The following PRMT8 variants were observed in gnomAD, a reference collection of about 807,000 sequenced individuals.
PRMT8 encodes protein arginine methyltransferase 8, also known as protein arginine N-methyltransferase 8.
PRMT8 carries 7 observed loss-of-function variants against 47.1 expected under a neutral mutation model. The ratio of observed to expected loss-of-function variants is 0.15; its 90% confidence interval spans 0.08 to 0.28. The LOEUF (loss-of-function observed/expected upper bound fraction) is 0.28. Ranked by LOEUF, PRMT8 falls within the 10% of genes least tolerant of loss-of-function variation. The pLI is 1.00. For synonymous variants in PRMT8, 188 were observed against 186.5 expected (o/e 1.01, Z -0.07); for missense variants, 237 against 505.4 (o/e 0.47, Z 5.09).
intron 3 of PRMT8, 30 bp from the exon 4 acceptor site, chr12:3,553,621 C>A: frequency 6.4e-6 from 10 of 1,559,406 alleles, no homozygotes; most frequent in Non-Finnish European, 8.0e-6. Context: ...TTTTTTGACG[C>A]CTTGCTCCTT....
At chr12:3,512,553 G>A (rs1865729231) in intron 1 of PRMT8, among the ~76,000 whole-genome samples, 1 of 152,098 alleles carries the variant, frequency 6.6e-6, no homozygotes, top group Non-Finnish European at 1.5e-5. Flanking sequence ...TCAGACCAGA[G>A]GCCTCCCTTA....
At chr12:3,470,342 T>C (rs765900967) in intron 1 of PRMT8, among the ~76,000 whole-genome samples, 7 of 152,146 alleles carry the variant, frequency 4.6e-5, no homozygotes, top group East Asian at 1.9e-4. Flanking sequence ...TGTTTTTCCA[T>C]AGGACTCAAT....
intron 1 of PRMT8, among the ~76,000 whole-genome samples, chr12:3,438,737 C>T (rs943776955): frequency 6.6e-6 from 1 of 152,218 alleles, no homozygotes; most frequent in Admixed American, 6.5e-5. Flanking sequence ...CCCAGACTGA[C>T]TTCAGTCACT....
chr12:3,441,431 C>A (rs1024692939), intron 1 of PRMT8, among the ~76,000 whole-genome samples: 4 of 152,200 alleles, frequency 2.6e-5, no homozygotes, highest in Non-Finnish European at 4.4e-5. Context: ...GAGGAGCCAA[C>A]CTCCCCTTCC....
chr12:3,479,021 G>A (rs974823137), intron 1 of PRMT8, among the ~76,000 whole-genome samples: 10 of 152,252 alleles, frequency 6.6e-5, no homozygotes, highest in African/African-American at 2.4e-4. Flanking sequence ...GCCAAGGGGC[G>A]GCCTCACGGG....
chr12:3,494,646 G>A (rs192504892), intron 1 of PRMT8, among the ~76,000 whole-genome samples: 3 of 152,326 alleles, frequency 2.0e-5, no homozygotes, highest in Admixed American at 6.5e-5. Context: ...CTAAAGCTAC[G>A]GAGAGATACT....
At chr12:3,382,186 A>T (rs148446404) in intron 1 of PRMT8, among the ~76,000 whole-genome samples, 2 of 152,372 alleles carry the variant, frequency 1.3e-5, no homozygotes, top group African/African-American at 4.8e-5. Flanking sequence ...TAAAGGTGCT[A>T]TGAACAGTCG....
chr12:3,584,381 G>C (rs1263084499), intron 8 of PRMT8, among the ~76,000 whole-genome samples: 1 of 152,136 alleles, frequency 6.6e-6, no homozygotes, highest in African/African-American at 2.4e-5. Context: ...AATTTGGAGG[G>C]GGGGACAATT....
At position 3,521,947 on chromosome 12, in the gene PRMT8, A is replaced by G. The variant is rs149154392; in HGVS notation, c.76-18659A>G. ...GAGCGACTTTAACCTCAAGAGCACT[A>G]AGGGGAATTACGGAAAGTTTACACA... On this transcript the variant is annotated intron_variant, in intron 1 of 9. Transcript: ENST00000382622. 3.0e-3 allele frequency among the ~76,000 whole-genome samples: 463 copies of G among 152,350 alleles called. 4 individuals are homozygous for G. Among genetic ancestry groups the G allele is most frequent in the African/African-American group, 0.011 (445 of 41,572 alleles).
At chr12:3,425,836 G>A (rs1864598378) in intron 1 of PRMT8, among the ~76,000 whole-genome samples, 1 of 152,330 alleles carries the variant, frequency 6.6e-6, no homozygotes, top group South Asian at 2.1e-4. Context: ...CCAATTATTC[G>A]GCAGAGTGCC....
At chr12:3,475,702 C>G (rs1865205390) in intron 1 of PRMT8, among the ~76,000 whole-genome samples, 1 of 147,798 alleles carries the variant, frequency 6.8e-6, no homozygotes, top group Non-Finnish European at 1.5e-5. Flanking sequence ...ATTCCTTGTC[C>G]TGAAAGGGCC....
rs888219222 is a variant in PRMT8, at chr12:3,564,018, G to A, written c.482-4688G>A. Among the ~76,000 whole-genome samples the A allele has an allele frequency of 1.3e-5, 2 of 151,642 alleles. No individual in the cohort carries two copies. Among genetic ancestry groups the A allele is most frequent in the Non-Finnish European group, 2.9e-5 (2 of 67,966 alleles). On this transcript the variant is annotated intron_variant, in intron 4 of 9. Coordinates refer to ENST00000382622, the MANE Select transcript of PRMT8 (RefSeq NM_019854.5). The surrounding 1 kb of genome is among the most constrained non-coding windows in gnomAD (Gnocchi z 4.0). Reference sequence around the variant, plus strand: ...ATGTTTGTGAGGAGTCAAATGCTCCGCTATATCCTGGAAATAGGAAGCTAA... The same window carrying A: ...ATGTTTGTGAGGAGTCAAATGCTCCACTATATCCTGGAAATAGGAAGCTAA...
intron 7 of PRMT8, among the ~76,000 whole-genome samples, chr12:3,579,245 G>C (rs531308752): frequency 1.3e-5 from 2 of 152,026 alleles, no homozygotes; most frequent in African/African-American, 4.8e-5. Context: ...CTTCAGCTTG[G>C]GGATAAAATT....
chr12:3,398,023 C>G (rs891577491), intron 1 of PRMT8, among the ~76,000 whole-genome samples: 1 of 152,076 alleles, frequency 6.6e-6, no homozygotes, highest in Non-Finnish European at 1.5e-5. Flanking sequence ...CTCCCTGACC[C>G]CTTGCGCTTC....
chr12:3,585,376 A>T (rs1417647458), intron 8 of PRMT8, among the ~76,000 whole-genome samples: 1 of 64,774 alleles, frequency 1.5e-5, no homozygotes, highest in East Asian at 4.3e-4. Context: ...TTTTTTTCTC[A>T]GAGACAAGGT....
chr12:3,459,893 A>G (rs1223484368), intron 1 of PRMT8, among the ~76,000 whole-genome samples: 1 of 152,172 alleles, frequency 6.6e-6, no homozygotes, highest in Non-Finnish European at 1.5e-5. Context: ...TCCAGGCACT[A>G]CATCTGGTGC....
At chr12:3,381,560 T>C (rs1335683054) in intron 1 of PRMT8, 9 of 916,474 alleles carry the variant, frequency 9.8e-6, no homozygotes, top group Non-Finnish European at 1.4e-5. Flanking sequence ...CTGCAGAGCC[T>C]GCTCACGTCT....
At chr12:3,489,124 A>G (rs535699862), upstream of PRMT8, among the ~76,000 whole-genome samples, 91 of 152,270 alleles carry the variant, frequency 6.0e-4, no homozygotes, top group Non-Finnish European at 1.0e-3. Flanking sequence ...CCATGAAAAT[A>G]TAGCTCTCCA....
rs1217791553 is a variant in PRMT8, at chr12:3,569,798, G to C, written c.712+234G>C. Among the ~76,000 whole-genome samples the C allele has an allele frequency of 6.6e-6, 1 of 152,170 alleles. No homozygotes were observed. Among genetic ancestry groups the C allele is most frequent in the Admixed American group, 6.5e-5 (1 of 15,274 alleles). On this transcript the variant is annotated intron_variant, in intron 6 of 9. Coordinates refer to ENST00000382622, the MANE Select transcript of PRMT8 (RefSeq NM_019854.5). This position sits in a 1 kb window ranked among gnomAD's most constrained non-coding sequence, Gnocchi z 8.2. Reference sequence around the variant, plus strand: ...TGGCTGGGATGAGAGAAATGTCCTGGGGTGAAAGAATGAATGCAATGTGAA... The same window carrying C: ...TGGCTGGGATGAGAGAAATGTCCTGCGGTGAAAGAATGAATGCAATGTGAA...
Sources: gnomAD v4.1 joint callset for allele counts (sites outside exome capture counted in the v4.1 genomes callset) on GRCh38, gnomAD v4.1.1 for gene constraint, Gnocchi (gnomAD v3.1) non-coding constraint, MANE v1.5 for transcripts, NCBI Gene and HGNC (gene_info 2026-07-23, HGNC 2026-07-21) for gene names.